The following COMMD10 variants were observed in gnomAD, a reference collection of about 807,000 sequenced individuals.
The protein encoded by COMMD10 is COMM domain containing 10.
COMMD10 carries 33 observed loss-of-function variants against 28.9 expected under a neutral mutation model. The observed-to-expected ratio is 1.14, with a 90% CI of 0.87 to 1.53. The LOEUF (loss-of-function observed/expected upper bound fraction) is 1.53. COMMD10 is among the 40% of genes most tolerant of loss of function. The pLI is 0.00. For synonymous variants in COMMD10, 110 were observed against 81.7 expected, an observed-to-expected ratio of 1.35 and a Z score of -1.87; for missense variants, 310 against 233.4, an observed-to-expected ratio of 1.33 and a Z score of -2.14.
chr5:116,180,411 C>A (rs899318963), intron 5 of COMMD10, among the ~76,000 whole-genome samples: 2 of 151,912 alleles, frequency 1.3e-5, no homozygotes, highest in African/African-American at 4.8e-5. Context: ...GGTCCTAGGC[C>A]ACTGAAATGG....
At chr5:116,285,487 A>T (rs191415329) in intron 5 of COMMD10, among the ~76,000 whole-genome samples, 39 of 152,030 alleles carry the variant, frequency 2.6e-4, no homozygotes, top group Non-Finnish European at 1.9e-4. Flanking sequence ...CTACAAATAG[A>T]CATGAAACAC....
intron 5 of COMMD10, among the ~76,000 whole-genome samples, chr5:116,201,646 A>C (rs538852157): frequency 6.6e-6 from 1 of 152,168 alleles, no homozygotes; most frequent in Admixed American, 6.5e-5. Context: ...TGTTAGGATG[A>C]AATGGTGACT....
At chr5:116,264,068 A>G (rs1323835957) in intron 5 of COMMD10, among the ~76,000 whole-genome samples, 4 of 151,812 alleles carry the variant, frequency 2.6e-5, no homozygotes, top group Admixed American at 2.0e-4. Flanking sequence ...TGTACCTACT[A>G]TGTAAAATGC....
intron 4 of COMMD10, among the ~76,000 whole-genome samples, chr5:116,127,791 G>C (rs1364835925): frequency 6.6e-6 from 1 of 152,134 alleles, no homozygotes; most frequent in Admixed American, 6.6e-5. Context: ...TGGGGGGAAG[G>C]AGGAGGGATA....
intron 5 of COMMD10, among the ~76,000 whole-genome samples, chr5:116,212,977 T>C (rs1228814840): frequency 6.6e-6 from 1 of 152,126 alleles, no homozygotes; most frequent in Non-Finnish European, 1.5e-5. Flanking sequence ...TCTGTATCTT[T>C]TGTCTCTGTA....
intron 4 of COMMD10, among the ~76,000 whole-genome samples, chr5:116,132,210 G>A (rs938582869): frequency 6.6e-6 from 1 of 152,020 alleles, no homozygotes; most frequent in Non-Finnish European, 1.5e-5. Context: ...CAAATTAGGT[G>A]ACCAAAATGC....
intron 5 of COMMD10, among the ~76,000 whole-genome samples, chr5:116,232,788 C>A (rs1235751260): frequency 6.6e-6 from 1 of 152,138 alleles, no homozygotes; most frequent in South Asian, 2.1e-4. Context: ...CATGAAATTA[C>A]AGAGTGCTTA....
At chr5:116,100,974 A>C (rs1750641359) in intron 4 of COMMD10, among the ~76,000 whole-genome samples, 1 of 152,124 alleles carries the variant, frequency 6.6e-6, no homozygotes, top group South Asian at 2.1e-4. Flanking sequence ...GCTCCCACTT[A>C]TGAGTAAGAA....
intron 5 of COMMD10, among the ~76,000 whole-genome samples, chr5:116,199,872 GC>G (rs1748619242): frequency 6.6e-6 from 1 of 152,092 alleles, no homozygotes; most frequent in Non-Finnish European, 1.5e-5. Flanking sequence ...GTAGCACCAT[GC>G]CTGGCTTTCT....
chr5:116,096,441 T>C (rs993842994), intron 4 of COMMD10, among the ~76,000 whole-genome samples: 1 of 152,054 alleles, frequency 6.6e-6, no homozygotes, highest in Non-Finnish European at 1.5e-5. Context: ...TACTGATCTC[T>C]ATCCTGTAAC....
chr5:116,277,226 C>A (rs1454995250), intron 5 of COMMD10, among the ~76,000 whole-genome samples: 1 of 151,678 alleles, frequency 6.6e-6, no homozygotes, highest in Non-Finnish European at 1.5e-5. Flanking sequence ...AAAATAAAAC[C>A]TTATTAGCTC....
Position 116,128,168 on chromosome 5 carries a change from C to CT in COMMD10, c.400-5899dup, listed in dbSNP as rs1348870240. On this transcript the variant is annotated intron_variant, in intron 4 of 6. Coordinates refer to ENST00000274458, the MANE Select transcript of COMMD10 (RefSeq NM_016144.4). ...TGAGGAGTTAATGTAGTAATTTTGT[C>CT]TAATTTGAGATGTGCTTAGAATTTT... Among the ~76,000 whole-genome samples, 9 of 151,904 alleles carry CT rather than the reference C, an allele frequency of 5.9e-5. No individual in the cohort carries two copies. In the South Asian group the frequency reaches 1.9e-3, roughly 32 times the overall value.
intron 4 of COMMD10, among the ~76,000 whole-genome samples, chr5:116,114,694 G>A (rs1286037089): frequency 2.0e-5 from 3 of 152,206 alleles, no homozygotes; most frequent in Admixed American, 2.0e-4. Flanking sequence ...GCCATGATGG[G>A]AGAGTGGGGC....
intron 5 of COMMD10, among the ~76,000 whole-genome samples, chr5:116,212,523 T>TGTGTGTGTGTGTGTGTG (rs1580552963): frequency 1.7e-4 from 12 of 71,612 alleles, no homozygotes; most frequent in East Asian, 1.0e-3. Context: ...TGTGTGTGTG[T>TGTGTGTGTGTGTGTGTG]AGAATGTGAG....
chr5:116,092,499 G>A, intron 3 of COMMD10, 46 bp from the exon 4 acceptor site: 1 of 1,376,836 alleles, frequency 7.3e-7, no homozygotes, highest in South Asian at 1.6e-5. Context: ...TAAAGTTTCA[G>A]TATGAAGATG....
intron 5 of COMMD10, among the ~76,000 whole-genome samples, chr5:116,280,711 G>A (rs1321354612): frequency 3.3e-5 from 5 of 151,756 alleles, no homozygotes; most frequent in Admixed American, 6.6e-5. Flanking sequence ...TGGTGGAGCT[G>A]AAATTATATC....
intron 5 of COMMD10, among the ~76,000 whole-genome samples, chr5:116,210,649 A>G (rs1015397663): frequency 6.6e-5 from 10 of 152,112 alleles, no homozygotes; most frequent in African/African-American, 2.2e-4. Flanking sequence ...CATACAGTCT[A>G]TCAACAAATC....
intron 5 of COMMD10, among the ~76,000 whole-genome samples, chr5:116,184,605 C>G (rs949681692): frequency 1.3e-5 from 2 of 152,010 alleles, no homozygotes; most frequent in Non-Finnish European, 2.9e-5. Flanking sequence ...AAAAAAGCAG[C>G]GTCAACTTTT....
At chr5:116,132,192 C>G (rs6894471) in intron 4 of COMMD10, among the ~76,000 whole-genome samples, 47,916 of 151,872 alleles carry the variant, frequency 0.32, 10,418 homozygotes, top group African/African-American at 0.62. Context: ...TTAGAAGATA[C>G]TGTAGAACAA....
Sources: allele counts gnomAD v4.1 joint callset (sites outside exome capture counted in the v4.1 genomes callset), GRCh38; gene constraint gnomAD v4.1.1; transcripts MANE v1.5; gene names NCBI Gene and HGNC (gene_info 2026-07-23, HGNC 2026-07-21).